TLK1: variants seen among roughly 807,000 people sequenced by gnomAD.
The protein encoded by TLK1 is serine/threonine-protein kinase tousled-like 1.
In TLK1, 24 loss-of-function variants were observed where a neutral mutation model predicts 105.3. The observed-to-expected ratio is 0.23, with a 90% confidence interval of 0.17 to 0.32. TLK1 has a LOEUF of 0.32. TLK1 is among the 10% of genes least tolerant of loss of function. The pLI is 1.00. For synonymous variants in TLK1, 321 were observed against 310.4 expected (o/e 1.03, Z -0.36); for missense variants, 558 against 910.5 (o/e 0.61, Z 4.98).
chr2:171,172,503 T>C (rs1393286650), intron 1 of TLK1, among the ~76,000 whole-genome samples: 1 of 152,206 alleles, frequency 6.6e-6, no homozygotes. Flanking sequence ...GGTTTGAATC[T>C]GTGTCCCCAC....
chr2:171,074,626 C>CA (rs372844435), intron 3 of TLK1, among the ~76,000 whole-genome samples: 5,537 of 89,606 alleles, frequency 0.062, 173 homozygotes, highest in Non-Finnish European at 0.09. Context: ...GACTCTGCCT[C>CA]AAAAAAAAAA....
Position 171,125,119 on chromosome 2 carries a change from T to C in TLK1, c.140-7262A>G, listed in dbSNP as rs147141489. ...TACAATTTAATTAACTCAACATCAG[T>C]AAATGGCTTTCCTTGCTTGGCAAAC... On this transcript the variant is annotated intron_variant, in intron 1 of 20. Coordinates refer to ENST00000431350, the MANE Select transcript of TLK1 (RefSeq NM_012290.5). Among the ~76,000 whole-genome samples, 18 of 152,362 alleles carry C rather than the reference T, an allele frequency of 1.2e-4. No homozygotes were observed. In the East Asian group the frequency reaches 2.7e-3, roughly 23 times the overall value.
chr2:171,155,312 T>C (rs1310392707), intron 1 of TLK1, among the ~76,000 whole-genome samples: 3 of 152,188 alleles, frequency 2.0e-5, no homozygotes, highest in Admixed American at 1.3e-4. Context: ...TCTACTAAAC[T>C]GTATCATAAA....
At chr2:171,066,805 T>G in intron 3 of TLK1, 1 of 1,546,700 alleles carries the variant, frequency 6.5e-7, no homozygotes, top group South Asian at 1.2e-5. Flanking sequence ...ACTATAAAAT[T>G]AGAATAAAGT....
intron 18 of TLK1, among the ~76,000 whole-genome samples, chr2:171,000,165 C>A (rs1431756544): frequency 6.6e-6 from 1 of 151,918 alleles, no homozygotes; most frequent in Non-Finnish European, 1.5e-5. Flanking sequence ...AACAGGAGGT[C>A]GGCAGTTTGA....
At chr2:171,093,403 T>A (rs1211980847) in intron 2 of TLK1, among the ~76,000 whole-genome samples, 2 of 152,198 alleles carry the variant, frequency 1.3e-5, no homozygotes, top group Admixed American at 6.5e-5. Flanking sequence ...TGATACCTGA[T>A]CTGACCTTGA....
At position 171,022,418 on chromosome 2, in the gene TLK1, T is replaced by G. The variant is rs925224557; in HGVS notation, c.1236+5921A>C. ...ATTCCAGCACTCTTCTTGGCACCTT[T>G]CTTGCACATACACACACACACACCT... is the stretch of plus-strand genomic sequence containing the variant. On this transcript the variant is annotated intron_variant, in intron 12 of 20. Transcript: ENST00000431350. 2.0e-5 allele frequency among the ~76,000 whole-genome samples: 3 copies of G among 151,094 alleles called. No individual in the cohort carries two copies. The East Asian group carries it at 5.9e-4, about 30-fold the overall frequency.
intron 2 of TLK1, among the ~76,000 whole-genome samples, chr2:171,117,234 G>C (rs573601962): frequency 6.6e-6 from 1 of 152,292 alleles, no homozygotes; most frequent in East Asian, 1.9e-4. Flanking sequence ...GTTCACAATA[G>C]AGTTCATGCT....
In TLK1 at chr2:171,117,860, A is replaced by G. The variant is rs377682474; in HGVS notation, c.140-3T>C. The G allele has an allele frequency of 1.1e-4, 181 of 1,598,108 alleles. 1 individual carries two copies. The African/African-American group carries it at 2.4e-3, about 21-fold the overall frequency. ...ACTATGAAGCTCATCCATTGCACCT[A>G]TTAAGAAAAAAAAATATATATGTAC... On this transcript the variant is annotated splice_region_variant and splice_polypyrimidine_tract_variant and intron_variant, in intron 1 of 20. Transcript: ENST00000431350.
intron 1 of TLK1, among the ~76,000 whole-genome samples, chr2:171,158,946 A>G (rs1692340792): frequency 6.6e-6 from 1 of 152,200 alleles, no homozygotes; most frequent in Non-Finnish European, 1.5e-5. Flanking sequence ...CTTTCCGTGA[A>G]TTTTCTAGAG....
chr2:171,057,383 G>C (rs1687551537), intron 5 of TLK1, among the ~76,000 whole-genome samples: 2 of 151,932 alleles, frequency 1.3e-5, no homozygotes, highest in Non-Finnish European at 2.9e-5. Flanking sequence ...ATAGAGCCTA[G>C]CATAAAATTT....
At chr2:171,153,518 C>T (rs1350683979) in intron 1 of TLK1, among the ~76,000 whole-genome samples, 4 of 152,208 alleles carry the variant, frequency 2.6e-5, no homozygotes, top group Admixed American at 2.0e-4. Flanking sequence ...AGAGGATGTC[C>T]TCCTGTGCAC....
chr2:171,099,778 T>C (rs772138278), intron 2 of TLK1, among the ~76,000 whole-genome samples: 7 of 152,234 alleles, frequency 4.6e-5, no homozygotes, highest in Admixed American at 3.9e-4. Flanking sequence ...TCAACAAATG[T>C]TGCTGAGACA....
intron 2 of TLK1, among the ~76,000 whole-genome samples, chr2:171,103,559 TG>T (rs1689789619): frequency 6.6e-6 from 1 of 152,082 alleles, no homozygotes; most frequent in Non-Finnish European, 1.5e-5. Context: ...TATATTTAAT[TG>T]CACTTCATTT....
chr2:171,214,691 C>G (rs1693681445), intron 1 of TLK1, among the ~76,000 whole-genome samples: 2 of 152,184 alleles, frequency 1.3e-5, no homozygotes, highest in Admixed American at 6.5e-5. Flanking sequence ...TTGGAAGAAC[C>G]ATACTTTGAG....
intron 2 of TLK1, among the ~76,000 whole-genome samples, chr2:171,089,305 T>G (rs543093038): frequency 1.7e-3 from 266 of 152,362 alleles, no homozygotes; most frequent in African/African-American, 6.1e-3. Context: ...AATGTTTTTC[T>G]TCTTGGCTAC....
At chr2:171,103,264 T>TATATA (rs1689768316) in intron 2 of TLK1, among the ~76,000 whole-genome samples, 1 of 136,466 alleles carries the variant, frequency 7.3e-6, no homozygotes, top group African/African-American at 3.1e-5. Context: ...GATCTCAAAT[T>TATATA]TATATATATA....
intron 1 of TLK1, among the ~76,000 whole-genome samples, chr2:171,148,681 G>A (rs1239769951): frequency 4.0e-5 from 6 of 151,654 alleles, no homozygotes; most frequent in Non-Finnish European, 5.9e-5. Flanking sequence ...TCAGGCGTTC[G>A]AGACCAGCCT....
At chr2:171,069,225 C>T (rs920883086) in intron 3 of TLK1, among the ~76,000 whole-genome samples, 3 of 152,078 alleles carry the variant, frequency 2.0e-5, no homozygotes, top group Admixed American at 1.3e-4. Context: ...TATAATAGCA[C>T]AGTAGTTGAG....
Sources: allele counts gnomAD v4.1 joint callset (sites outside exome capture counted in the v4.1 genomes callset), GRCh38; gene constraint gnomAD v4.1.1; transcripts MANE v1.5; gene names NCBI Gene and HGNC (gene_info 2026-07-23, HGNC 2026-07-21).